Variants in PIK3CB observed in about 807,000 individuals in gnomAD.
PIK3CB encodes phosphatidylinositol-4,5-bisphosphate 3-kinase catalytic subunit beta.
In PIK3CB, 39 loss-of-function variants were observed where a neutral mutation model predicts 136.8. The observed-to-expected ratio is 0.29, with a 90% confidence interval of 0.22 to 0.37. The LOEUF (loss-of-function observed/expected upper bound fraction) is 0.37, where lower values mean the gene tolerates loss of function less well. Among genes scored for constraint, PIK3CB ranks in the 10% least tolerant of loss-of-function variants. The probability of loss-of-function intolerance (pLI) is 1.00; values close to 1 mark genes in which losing one functional copy is unlikely to be tolerated. For missense variants in PIK3CB, 868 were observed against 1,275.4 expected, an observed-to-expected ratio of 0.68 and a Z score of 4.87; for synonymous variants, 428 against 436.6, an observed-to-expected ratio of 0.98 and a Z score of 0.25.
At chr3:138,724,978 A>AAAG (rs147820861) in intron 8 of PIK3CB, among the ~76,000 whole-genome samples, 5,119 of 152,170 alleles carry the variant, frequency 0.034, 290 homozygotes, top group African/African-American at 0.12. Context: ...CCAGGCACTG[A>AAAG]AAGAAGATAA....
At chr3:138,790,158 G>C (rs1288643479) in intron 2 of PIK3CB, among the ~76,000 whole-genome samples, 1 of 152,230 alleles carries the variant, frequency 6.6e-6, no homozygotes, top group East Asian at 1.9e-4. Flanking sequence ...ACAGAAAATA[G>C]AACAGTGGTT....
At chr3:138,809,126 A>G (rs1303187130) in intron 1 of PIK3CB, among the ~76,000 whole-genome samples, 1 of 150,478 alleles carries the variant, frequency 6.6e-6, no homozygotes, top group Non-Finnish European at 1.5e-5. Flanking sequence ...ATGCAAAAAA[A>G]AATTAGCCGG....
At chr3:138,750,427 T>G (rs1351821593) in intron 4 of PIK3CB, among the ~76,000 whole-genome samples, 1 of 152,158 alleles carries the variant, frequency 6.6e-6, no homozygotes, top group Non-Finnish European at 1.5e-5. Context: ...TTCTCGCTCA[T>G]TAGGATCACA....
chr3:138,699,819 A>C (rs2044211761), intron 12 of PIK3CB, among the ~76,000 whole-genome samples: 3 of 152,200 alleles, frequency 2.0e-5, no homozygotes, highest in Non-Finnish European at 4.4e-5. Flanking sequence ...TCTGTTTCAC[A>C]AAAGGGCCTG....
chr3:138,731,725 T>G (rs1185193121), intron 8 of PIK3CB, among the ~76,000 whole-genome samples: 1 of 151,690 alleles, frequency 6.6e-6, no homozygotes, highest in Non-Finnish European at 1.5e-5. Context: ...TGGCTCACAC[T>G]TGTAATCCCA....
chr3:138,752,368 A>AT (rs1345624855), intron 4 of PIK3CB, among the ~76,000 whole-genome samples: 1 of 152,200 alleles, frequency 6.6e-6, no homozygotes, highest in Admixed American at 6.5e-5. Context: ...ATAATTGTAT[A>AT]TTTTTTCCCA....
intron 1 of PIK3CB, among the ~76,000 whole-genome samples, chr3:138,800,850 T>A (rs1427034998): frequency 6.6e-6 from 1 of 152,156 alleles, no homozygotes; most frequent in Non-Finnish European, 1.5e-5. Context: ...GTCTCGGACC[T>A]CCTGACCTCA....
intron 2 of PIK3CB, among the ~76,000 whole-genome samples, chr3:138,783,477 A>G (rs757272036): frequency 6.6e-6 from 1 of 152,004 alleles, no homozygotes; most frequent in Non-Finnish European, 1.5e-5. Flanking sequence ...AGATCTCACT[A>G]TGTTGCGCAG....
rs1559858957 is a variant in PIK3CB at position 138,747,101 on chromosome 3, T to TATATAC, written c.398-4321_398-4320insGTATAT. ...ATATATATATATATATATATATATA[T>TATATAC]ATATATATATATGGCATTTGCAGGC... is the stretch of plus-strand genomic sequence containing the variant. On this transcript the variant is annotated intron_variant, in intron 4 of 23. Coordinates refer to ENST00000674063, the MANE Select transcript of PIK3CB (RefSeq NM_006219.3). 4.3e-4 allele frequency among the ~76,000 whole-genome samples: 40 copies of TATATAC among 92,694 alleles called. 2 individuals carry two copies. The highest frequency in any genetic ancestry group is 1.8e-3 in the African/African-American group (38 of 20,840). The allele number at this position is 92,694 out of a possible 152,430, so 60.8% of individuals were successfully genotyped here. A position where few individuals can be genotyped will look rare whatever the true frequency, so the allele number is the denominator to read the frequency against.
At chr3:138,817,684 G>A (rs188963654) in intron 1 of PIK3CB, among the ~76,000 whole-genome samples, 29 of 152,276 alleles carry the variant, frequency 1.9e-4, no homozygotes, top group Admixed American at 7.2e-4. Context: ...TTCAAACCTT[G>A]ATGCTAGGGG....
intron 1 of PIK3CB, among the ~76,000 whole-genome samples, chr3:138,817,191 A>G (rs1250811668): frequency 6.6e-6 from 1 of 151,998 alleles, no homozygotes; most frequent in African/African-American, 2.4e-5. Context: ...ACAAAAAATT[A>G]GCCGGGCGAG....
rs527245148 is a variant in PIK3CB, at chr3:138,807,239, G to A, written c.-121-10672C>T. ...GCTTGAACTCAGGAGTTCGAGACCA[G>A]CCTGGGCAACGTGGTGAAACCCCGT... On this transcript the variant is annotated intron_variant, in intron 1 of 23. Transcript: ENST00000674063. Among the ~76,000 whole-genome samples, 451 of 152,226 alleles carry A rather than the reference G, an allele frequency of 3.0e-3. 5 individuals are homozygous for A. The highest frequency in any genetic ancestry group is 9.1e-3 in the African/African-American group (378 of 41,546).
chr3:138,742,472 C>T (rs1207805220), intron 5 of PIK3CB, 86 bp downstream of exon 5: 6 of 653,710 alleles, frequency 9.2e-6, no homozygotes, highest in Admixed American at 5.6e-5. Flanking sequence ...GCTAGGCAAG[C>T]GACAGACACT....
intron 5 of PIK3CB, among the ~76,000 whole-genome samples, chr3:138,738,363 G>A (rs995432325): frequency 6.6e-6 from 1 of 152,122 alleles, no homozygotes; most frequent in South Asian, 2.1e-4. Context: ...AGTAGAGACA[G>A]GGTTTCACCA....
chr3:138,659,160 A>AC (rs918049929), intron 21 of PIK3CB, among the ~76,000 whole-genome samples: 21 of 151,916 alleles, frequency 1.4e-4, no homozygotes, highest in African/African-American at 4.6e-4. Flanking sequence ...GGACTACCCC[A>AC]CCCCCCAGTT....
At chr3:138,825,008 C>A in intron 1 of PIK3CB, 1 of 214,894 alleles carries the variant, frequency 4.7e-6, no homozygotes. Context: ...CTGCAGTGGG[C>A]CACGATTGCA....
intron 12 of PIK3CB, among the ~76,000 whole-genome samples, chr3:138,702,574 T>C (rs2044278240): frequency 6.6e-6 from 1 of 152,144 alleles, no homozygotes. Flanking sequence ...TAAAGGGTAA[T>C]GAGACAGGCA....
chr3:138,718,507 C>T (rs994731621), intron 8 of PIK3CB, among the ~76,000 whole-genome samples: 8 of 152,138 alleles, frequency 5.3e-5, no homozygotes, highest in Non-Finnish European at 1.2e-4. Context: ...TCTGCAGAAG[C>T]TCTTACGTTT....
Position 138,789,705 on chromosome 3 carries a change from T to TG in PIK3CB, c.-17+6757_-17+6758insC, listed in dbSNP as rs1455808886. ...CAATGGAATATTATTCAGCCTTTTT[T>TG]TTTTTTGGAGACGGAGTCTCTCTCT... On this transcript the variant is annotated intron_variant, in intron 2 of 23. Transcript: ENST00000674063. Among the ~76,000 whole-genome samples, 3 of 151,840 alleles carry TG rather than the reference T, an allele frequency of 2.0e-5. No homozygotes were observed. In the East Asian group the frequency reaches 5.9e-4, roughly 30 times the overall value.
Sources: allele counts gnomAD v4.1 joint callset (sites outside exome capture counted in the v4.1 genomes callset), GRCh38; gene constraint gnomAD v4.1.1; transcripts MANE v1.5; gene names NCBI Gene and HGNC (gene_info 2026-07-23, HGNC 2026-07-21).